OPCML: variants seen among roughly 807,000 people sequenced by gnomAD.
OPCML encodes opioid binding protein/cell adhesion molecule like, also known as opioid-binding protein/cell adhesion molecule.
OPCML carries 13 observed loss-of-function variants against 37.8 expected under a neutral mutation model. The observed-to-expected ratio is 0.34, with a 90% CI of 0.22 to 0.55. The LOEUF (loss-of-function observed/expected upper bound fraction) is 0.55. OPCML is among the 20% of genes least tolerant of loss of function. OPCML has a pLI of 0.91. For missense variants in OPCML, 341 were observed against 435.6 expected, an observed-to-expected ratio of 0.78 and a Z score of 1.93; for synonymous variants, 176 against 168.8, an observed-to-expected ratio of 1.04 and a Z score of -0.33.
At chr11:133,305,284 G>A (rs184027687) in intron 1 of OPCML, among the ~76,000 whole-genome samples, 1 of 152,224 alleles carries the variant, frequency 6.6e-6, no homozygotes, top group East Asian at 1.9e-4. Flanking sequence ...CTTCCCCCCT[G>A]TACCCCTCTC....
chr11:133,141,021 C>CGAAGAAGAAGAA lies in OPCML; in HGVS notation c.62-198012_62-198011insTTCTTCTTCTTC, dbSNP rs1463775366. On this transcript the variant is annotated intron_variant, in intron 1 of 7. Coordinates refer to ENST00000524381, the MANE Select transcript of OPCML (RefSeq NM_001012393.5). ...AAGACGACGACGACGACGACGACGACGACGACGACGACGACGACGACGACG... is the reference window on the plus strand; with the variant it reads ...AAGACGACGACGACGACGACGACGACGAAGAAGAAGAAGACGACGACGACGACGACGACGACG... Among the ~76,000 whole-genome samples the CGAAGAAGAAGAA allele has an allele frequency of 1.9e-4, 2 of 10,332 alleles. 1 individual carries two copies. The highest frequency in any genetic ancestry group is 4.0e-4 in the African/African-American group (2 of 4,992). 6.8% of individuals were successfully genotyped at this position (10,332 alleles called of 152,430 possible).
At chr11:133,090,557 C>A (rs892422071) in intron 1 of OPCML, among the ~76,000 whole-genome samples, 1 of 152,100 alleles carries the variant, frequency 6.6e-6, no homozygotes, top group Admixed American at 6.5e-5. Context: ...GGAAGAAAGG[C>A]CATCATTGTT....
intron 1 of OPCML, among the ~76,000 whole-genome samples, chr11:133,400,268 C>A (rs111680346): frequency 7.2e-5 from 11 of 152,338 alleles, no homozygotes; most frequent in East Asian, 1.9e-4. Context: ...TAATCCACAA[C>A]TTTCCCTTAG....
chr11:133,126,176 G>A (rs1269024247), intron 1 of OPCML, among the ~76,000 whole-genome samples: 1 of 151,900 alleles, frequency 6.6e-6, no homozygotes, highest in African/African-American at 2.4e-5. Context: ...AACCAGAAAA[G>A]CAGGAAAGCC....
chr11:132,612,746 G>A (rs543212676), intron 3 of OPCML, among the ~76,000 whole-genome samples: 24 of 152,298 alleles, frequency 1.6e-4, no homozygotes, highest in African/African-American at 5.8e-4. Context: ...GGATGAAGCT[G>A]AGAGAAGTGC....
chr11:132,721,950 CTTTTTTTTT>C (rs34325848), intron 2 of OPCML, among the ~76,000 whole-genome samples: 3 of 82,782 alleles, frequency 3.6e-5, no homozygotes, highest in East Asian at 8.7e-4. Context: ...CTTTCCTTCC[CTTTTTTTTT>C]TTTTTTTTTT....
intron 1 of OPCML, among the ~76,000 whole-genome samples, chr11:132,944,010 C>A (rs1426110163): frequency 6.6e-6 from 1 of 151,822 alleles, no homozygotes; most frequent in Non-Finnish European, 1.5e-5. Context: ...GGCTGGCGGG[C>A]GGCGCGGACT....
intron 2 of OPCML, among the ~76,000 whole-genome samples, chr11:132,896,954 G>C (rs949157735): frequency 1.3e-5 from 2 of 152,168 alleles, no homozygotes; most frequent in African/African-American, 4.8e-5. Context: ...TGCCTAGTGG[G>C]CCTATTTGAA....
At chr11:133,367,292 G>C (rs1391858272) in intron 1 of OPCML, among the ~76,000 whole-genome samples, 2 of 152,144 alleles carry the variant, frequency 1.3e-5, no homozygotes, top group Non-Finnish European at 2.9e-5. Flanking sequence ...GCAGGAGTCA[G>C]GCTCTTCAGG....
At chr11:132,871,397 G>A (rs148430610) in intron 2 of OPCML, among the ~76,000 whole-genome samples, 100 of 152,162 alleles carry the variant, frequency 6.6e-4, no homozygotes, top group African/African-American at 2.2e-3. Flanking sequence ...AATAAAAATC[G>A]TATCTGTACT....
intron 1 of OPCML, among the ~76,000 whole-genome samples, chr11:133,114,624 C>A (rs1949304150): frequency 6.6e-6 from 1 of 152,162 alleles, no homozygotes; most frequent in Admixed American, 6.5e-5. Context: ...CCTAACTGCT[C>A]CCCTCCATTT....
chr11:133,078,965 C>T (rs11823094), intron 1 of OPCML, among the ~76,000 whole-genome samples: 1 of 152,078 alleles, frequency 6.6e-6, no homozygotes, highest in Non-Finnish European at 1.5e-5. Context: ...CCACGTGAAT[C>T]TTTTTTACTG....
intron 3 of OPCML, among the ~76,000 whole-genome samples, chr11:132,590,207 T>C (rs1019463469): frequency 2.6e-5 from 4 of 152,188 alleles, no homozygotes; most frequent in African/African-American, 9.6e-5. Context: ...TTGATATATA[T>C]TATATACATA....
intron 1 of OPCML, among the ~76,000 whole-genome samples, chr11:133,284,301 C>A (rs2136516936): frequency 6.6e-6 from 1 of 152,316 alleles, no homozygotes. Context: ...GCCCCTCTGG[C>A]TGTTGCAAGC....
intron 1 of OPCML, among the ~76,000 whole-genome samples, chr11:133,269,287 GAAAC>G (rs1185667473): frequency 2.6e-5 from 4 of 152,238 alleles, no homozygotes; most frequent in Admixed American, 6.5e-5. Context: ...CCCCGAGAGT[GAAAC>G]AAACAAACAA....
At chr11:132,700,024 G>A (rs999131263) in intron 2 of OPCML, among the ~76,000 whole-genome samples, 13 of 151,960 alleles carry the variant, frequency 8.6e-5, no homozygotes, top group African/African-American at 2.6e-4. Flanking sequence ...CTTGTAATTG[G>A]CCTATTCAGA....
At chr11:133,105,986 A>AT (rs1945299397) in intron 1 of OPCML, among the ~76,000 whole-genome samples, 3 of 72,890 alleles carry the variant, frequency 4.1e-5, no homozygotes, top group Admixed American at 3.8e-4. Context: ...CATCTTAAAA[A>AT]TAAAAAAAAA....
At chr11:132,691,814 CTCT>C (rs1265121383) in intron 2 of OPCML, among the ~76,000 whole-genome samples, 14 of 152,202 alleles carry the variant, frequency 9.2e-5, no homozygotes, top group Non-Finnish European at 2.9e-5. Flanking sequence ...GAAACCATGT[CTCT>C]TCTTTTTCCA....
intron 1 of OPCML, among the ~76,000 whole-genome samples, chr11:133,469,783 G>T (rs1240121530): frequency 6.6e-6 from 1 of 152,056 alleles, no homozygotes; most frequent in Non-Finnish European, 1.5e-5. Context: ...AAACCCCCAG[G>T]TTTTTATAGA....
Sources: gnomAD v4.1 joint callset for allele counts (sites outside exome capture counted in the v4.1 genomes callset) on GRCh38, gnomAD v4.1.1 for gene constraint, MANE v1.5 for transcripts, NCBI Gene and HGNC (gene_info 2026-07-23, HGNC 2026-07-21) for gene names.